Variants in DCAF6 observed in about 807,000 individuals in gnomAD.
DCAF6 encodes the protein DDB1 and CUL4 associated factor 6, also known as DDB1- and CUL4-associated factor 6.
A neutral mutation model predicts 125.1 loss-of-function variants in DCAF6; 54 were observed. That is an observed-to-expected ratio of 0.43 (90% CI 0.35 to 0.54). DCAF6 has a LOEUF of 0.54. Among genes scored for constraint, DCAF6 ranks in the 20% least tolerant of loss-of-function variants. The pLI, the probability that DCAF6 is intolerant of heterozygous loss-of-function variation, is 0.01. For missense variants in DCAF6, 934 were observed against 1,161.7 expected (o/e 0.80, Z 2.85); for synonymous variants, 371 against 390.4 (o/e 0.95, Z 0.58).
chr1:167,880,769 C>G, the DCAF6 span, among the ~76,000 whole-genome samples: 29 of 152,316 alleles, frequency 1.9e-4, 1 homozygote, highest in Admixed American at 5.2e-4. Context: ...ACTTCAAACA[C>G]TTCTACTGCA....
chr1:168,063,778 AT>A lies in DCAF6; in HGVS notation c.2439+25del. 1.3e-6 allele frequency: 2 copies of A among 1,591,360 alleles called. No individual in the cohort carries two copies. The highest frequency in any genetic ancestry group is 2.3e-5 in the East Asian group (1 of 43,418). On this transcript the variant is annotated intron_variant, in intron 18 of 21. Coordinates refer to ENST00000367840, the MANE Select transcript of DCAF6 (RefSeq NM_001198956.2). ...GACAATGGTACCAAATGTTCATGGC[AT>A]TTTTTGGTGAAATTGCAGTTTCATG...
chr1:168,068,227 T>C (rs765832210), intron 20 of DCAF6, 131 bp from the exon 21 acceptor site: 15 of 509,718 alleles, frequency 2.9e-5, no homozygotes, highest in African/African-American at 6.0e-5. Flanking sequence ...GGCAGAAATA[T>C]AGACATCAGA....
chr1:168,047,902 C>T (rs1689341331), intron 16 of DCAF6, among the ~76,000 whole-genome samples: 1 of 151,934 alleles, frequency 6.6e-6, no homozygotes, highest in Non-Finnish European at 1.5e-5. Flanking sequence ...TGGCACCATC[C>T]TGATTTAATC....
chr1:168,018,090 T>G (rs976004291), intron 11 of DCAF6, among the ~76,000 whole-genome samples: 3 of 152,236 alleles, frequency 2.0e-5, no homozygotes, highest in Non-Finnish European at 4.4e-5. Flanking sequence ...GGGAATATTC[T>G]GTGAAATCAG....
At chr1:167,878,295 A>T in the DCAF6 span, 1 of 795,478 alleles carries the variant, frequency 1.3e-6, no homozygotes, top group Non-Finnish European at 2.1e-6. Context: ...AGGAAAGATT[A>T]AGGATTTTGA....
the DCAF6 span, among the ~76,000 whole-genome samples, chr1:167,898,555 C>T: frequency 2.0e-5 from 3 of 150,694 alleles, no homozygotes; most frequent in East Asian, 1.9e-4. Flanking sequence ...GCCGAGATCA[C>T]GCCATTGCAC....
At chr1:167,876,165 G>A in the DCAF6 span, among the ~76,000 whole-genome samples, 2 of 151,468 alleles carry the variant, frequency 1.3e-5, no homozygotes, top group East Asian at 3.9e-4. Context: ...GCTGAGGCAG[G>A]AGAATCGCTT....
intron 1 of DCAF6, among the ~76,000 whole-genome samples, chr1:167,939,360 A>G (rs1013130076): frequency 2.6e-5 from 4 of 151,490 alleles, no homozygotes; most frequent in African/African-American, 9.8e-5. Context: ...GTTAATTAAC[A>G]TATCCATCAT....
chr1:167,999,708 T>A (rs980172672), intron 7 of DCAF6, among the ~76,000 whole-genome samples: 4 of 152,192 alleles, frequency 2.6e-5, no homozygotes, highest in Non-Finnish European at 5.9e-5. Flanking sequence ...CCCTTACCTC[T>A]AACAGTTTTC....
At chr1:167,936,039 C>T, upstream of DCAF6, 1 of 592,060 alleles carries the variant, frequency 1.7e-6, no homozygotes, top group South Asian at 2.0e-5. Context: ...GTTGAGGGGG[C>T]GGAGGCTGCC....
chr1:167,948,002 C>A (rs972219876), intron 1 of DCAF6, among the ~76,000 whole-genome samples: 2 of 152,034 alleles, frequency 1.3e-5, no homozygotes, highest in African/African-American at 4.8e-5. Flanking sequence ...CAGTGTATCT[C>A]TTTCTTTAGG....
At position 167,939,775 on chromosome 1, in the gene DCAF6, A is replaced by AT. The variant is rs1671947212; in HGVS notation, c.97+2768dup. The stretch of plus-strand genomic sequence containing the variant: ...GAAACTCTGCGTCATAAATAAATAA[A>AT]TAAATAAATAAAGTATGGTACACTT... On this transcript the variant is annotated intron_variant, in intron 1 of 21. Coordinates refer to ENST00000367840, the MANE Select transcript of DCAF6 (RefSeq NM_001198956.2). 2.6e-5 allele frequency among the ~76,000 whole-genome samples: 4 copies of AT among 151,510 alleles called. No homozygotes were observed. The South Asian group carries it at 8.3e-4, about 31-fold the overall frequency.
rs79037544 is a variant in DCAF6 at position 167,954,958 on chromosome 1, T to C, written c.159+3097T>C. Among the ~76,000 whole-genome samples the C allele has an allele frequency of 4.6e-3, 696 of 152,348 alleles. 8 individuals carry two copies. In the East Asian group the frequency reaches 0.058, roughly 13 times the overall value. On this transcript the variant is annotated intron_variant, in intron 2 of 21. Transcript: ENST00000367840. ...TCAACCCCAGTCAACCAATGATCTC[T>C]ATTCTGTCACTATAAATCAGTTTGC...
At chr1:167,944,606 A>T (rs564051565) in intron 1 of DCAF6, among the ~76,000 whole-genome samples, 11 of 152,214 alleles carry the variant, frequency 7.2e-5, no homozygotes, top group African/African-American at 2.2e-4. Context: ...TATGCTTTTG[A>T]AAAATGTCTA....
Position 167,986,776 on chromosome 1 carries a change from A to G in DCAF6, c.439-719A>G, listed in dbSNP as rs75217028. On this transcript the variant is annotated intron_variant, in intron 4 of 21. Coordinates refer to ENST00000367840, the MANE Select transcript of DCAF6 (RefSeq NM_001198956.2). Reference sequence around the variant, plus strand: ...TTTGCTGCTCACTTCCTAACAGGCTACGGACCAGTACTGGGTCTTTGGGAC... The same window carrying G: ...TTTGCTGCTCACTTCCTAACAGGCTGCGGACCAGTACTGGGTCTTTGGGAC... Among the ~76,000 whole-genome samples the G allele has an allele frequency of 3.7e-3, 569 of 152,320 alleles. 1 individual carries two copies. Among genetic ancestry groups the G allele is most frequent in the African/African-American group, 0.013 (534 of 41,578 alleles).
At chr1:167,939,582 T>G (rs1374287120) in intron 1 of DCAF6, among the ~76,000 whole-genome samples, 2 of 152,024 alleles carry the variant, frequency 1.3e-5, no homozygotes, top group Non-Finnish European at 2.9e-5. Flanking sequence ...GCCAACATGG[T>G]GAAACCCTGG....
intron 4 of DCAF6, among the ~76,000 whole-genome samples, chr1:167,976,112 C>G (rs1378680816): frequency 1.3e-5 from 2 of 152,062 alleles, no homozygotes; most frequent in Non-Finnish European, 2.9e-5. Flanking sequence ...GTTTCTATCC[C>G]TTTGTTTTCT....
the DCAF6 span, among the ~76,000 whole-genome samples, chr1:167,925,424 T>C: frequency 7.5e-6 from 1 of 133,486 alleles, no homozygotes; most frequent in East Asian, 2.1e-4. Flanking sequence ...ATATATAATA[T>C]ACAGATATAC....
intron 1 of DCAF6, among the ~76,000 whole-genome samples, chr1:167,940,064 A>G (rs1671997107): frequency 6.6e-6 from 1 of 152,192 alleles, no homozygotes; most frequent in Admixed American, 6.5e-5. Context: ...TCACCATAGC[A>G]TGTGCCCTTT....
Sources: allele counts gnomAD v4.1 joint callset (sites outside exome capture counted in the v4.1 genomes callset), GRCh38; gene constraint gnomAD v4.1.1; transcripts MANE v1.5; gene names NCBI Gene and HGNC (gene_info 2026-07-23, HGNC 2026-07-21).